Variants in SCFD1 observed in about 807,000 individuals in gnomAD.
SCFD1 encodes sec1 family domain containing 1, also known as sec1 family domain-containing protein 1.
Under a neutral mutation model 103.2 loss-of-function variants are expected in SCFD1, and 37 were observed. The observed-to-expected ratio is 0.36, with a 90% CI of 0.28 to 0.47. The LOEUF is 0.47. Ranked by LOEUF, SCFD1 falls within the 20% of genes least tolerant of loss-of-function variation. The pLI, the probability that SCFD1 is intolerant of heterozygous loss-of-function variation, is 1.00. For missense variants in SCFD1, 639 were observed against 761.2 expected (o/e 0.84, Z 1.89); for synonymous variants, 264 against 245.0 (o/e 1.08, Z -0.73).
At chr14:30,717,384 G>A (rs772128203) in intron 20 of SCFD1, among the ~76,000 whole-genome samples, 14 of 152,120 alleles carry the variant, frequency 9.2e-5, no homozygotes, top group South Asian at 4.1e-4. Flanking sequence ...GGCTGAGGTG[G>A]GAGGATCACT....
At chr14:30,714,414 G>T (rs1892132957) in intron 19 of SCFD1, among the ~76,000 whole-genome samples, 1 of 150,006 alleles carries the variant, frequency 6.7e-6, no homozygotes, top group African/African-American at 2.4e-5. Flanking sequence ...AAAAAATTCT[G>T]AATAGTATTC....
intron 14 of SCFD1, among the ~76,000 whole-genome samples, chr14:30,682,788 T>C (rs1007531298): frequency 6.6e-6 from 1 of 152,166 alleles, no homozygotes; most frequent in Non-Finnish European, 1.5e-5. Flanking sequence ...ATAAACAGTC[T>C]TCAGCTTAGG....
At chr14:30,726,436 A>G (rs1893048184) in intron 23 of SCFD1, among the ~76,000 whole-genome samples, 1 of 152,214 alleles carries the variant, frequency 6.6e-6, no homozygotes, top group Non-Finnish European at 1.5e-5. Context: ...ATGTGTTCAT[A>G]TGAACCTCAC....
intron 7 of SCFD1, among the ~76,000 whole-genome samples, chr14:30,649,037 A>G (rs1886143898): frequency 6.6e-6 from 1 of 151,930 alleles, no homozygotes; most frequent in South Asian, 2.1e-4. Flanking sequence ...GATTTAGTCA[A>G]TCCTTTGGAA....
intron 21 of SCFD1, among the ~76,000 whole-genome samples, chr14:30,720,590 CA>C (rs1566661200): frequency 6.6e-6 from 1 of 152,094 alleles, no homozygotes; most frequent in Non-Finnish European, 1.5e-5. Flanking sequence ...TGAATCTATA[CA>C]GAGCATGTAC....
chr14:30,674,042 A>T, intron 13 of SCFD1, 45 bp downstream of exon 13: 1 of 1,348,634 alleles, frequency 7.4e-7, no homozygotes, highest in Non-Finnish European at 1.0e-6. Flanking sequence ...TGTTGATAGG[A>T]TTTTTTTTTT....
At chr14:30,677,649 A>T (rs933773480) in intron 14 of SCFD1, among the ~76,000 whole-genome samples, 23 of 151,938 alleles carry the variant, frequency 1.5e-4, no homozygotes, top group African/African-American at 4.8e-4. Context: ...ATAACTCTTA[A>T]ATTTCCATCC....
At chr14:30,655,805 G>A (rs1405682728) in intron 10 of SCFD1, among the ~76,000 whole-genome samples, 1 of 152,136 alleles carries the variant, frequency 6.6e-6, no homozygotes, top group Admixed American at 6.6e-5. Context: ...CCCCAGGGAA[G>A]ATCAGATGTT....
intron 10 of SCFD1, among the ~76,000 whole-genome samples, chr14:30,659,495 A>G (rs1887238163): frequency 1.3e-5 from 2 of 152,142 alleles, no homozygotes; most frequent in Admixed American, 6.6e-5. Context: ...ATTCTTTACT[A>G]CTTTTAGAGA....
At chr14:30,696,989 G>A (rs1258870621) in intron 15 of SCFD1, among the ~76,000 whole-genome samples, 2 of 152,148 alleles carry the variant, frequency 1.3e-5, no homozygotes, top group African/African-American at 4.8e-5. Flanking sequence ...TGTTGGATTG[G>A]AATTAGAGGT....
chr14:30,703,490 AT>A (rs1384890729), intron 17 of SCFD1, among the ~76,000 whole-genome samples: 3 of 150,928 alleles, frequency 2.0e-5, no homozygotes, highest in Non-Finnish European at 3.0e-5. Context: ...AAATAGTAGA[AT>A]TTTTTTTCCT....
At chr14:30,652,162 G>A (rs1231612545) in intron 9 of SCFD1, among the ~76,000 whole-genome samples, 1 of 152,154 alleles carries the variant, frequency 6.6e-6, no homozygotes, top group African/African-American at 2.4e-5. Context: ...CCAGAAGAGT[G>A]TAATGAGTTA....
At chr14:30,731,546 TCTC>T (rs1460899211) in intron 23 of SCFD1, among the ~76,000 whole-genome samples, 3 of 152,278 alleles carry the variant, frequency 2.0e-5, no homozygotes, top group Admixed American at 6.5e-5. Flanking sequence ...GGTTTGTAGT[TCTC>T]CTTGAAGAGG....
chr14:30,659,040 C>T (rs115393328), intron 10 of SCFD1, among the ~76,000 whole-genome samples: 2,239 of 152,174 alleles, frequency 0.015, 49 homozygotes, highest in African/African-American at 0.051. Flanking sequence ...TGATTTCATT[C>T]ACTTTTTAAA....
chr14:30,638,091 TC>T, intron 4 of SCFD1, 33 bp from the exon 5 acceptor site: 2 of 1,548,994 alleles, frequency 1.3e-6, no homozygotes, highest in Non-Finnish European at 1.7e-6. Flanking sequence ...GTCTTCTTTA[TC>T]CTATAAGAAT....
intron 1 of SCFD1, among the ~76,000 whole-genome samples, chr14:30,623,107 C>G (rs552577744): frequency 6.6e-6 from 1 of 152,178 alleles, no homozygotes; most frequent in Non-Finnish European, 1.5e-5. Flanking sequence ...ATTAGTTTTG[C>G]CTTACTTGAA....
chr14:30,710,457 C>CTT (rs201252038), intron 19 of SCFD1, among the ~76,000 whole-genome samples: 1 of 150,556 alleles, frequency 6.6e-6, no homozygotes, highest in African/African-American at 2.4e-5. Flanking sequence ...TCAATGTAGT[C>CTT]TTTTTTTTGT....
intron 19 of SCFD1, among the ~76,000 whole-genome samples, chr14:30,711,491 G>GGGAGGCTGA (rs1891868293): frequency 6.6e-6 from 1 of 152,236 alleles, no homozygotes; most frequent in South Asian, 2.1e-4. Flanking sequence ...GCACATGCTT[G>GGGAGGCTGA]GGAGGCTGAG....
intron 20 of SCFD1, 52 bp downstream of exon 20, chr14:30,716,029 C>G: frequency 1.0e-6 from 1 of 991,446 alleles, no homozygotes; most frequent in Non-Finnish European, 1.6e-6. Context: ...GTCAAACTGA[C>G]TAGTATGAAA....
Sources: gnomAD v4.1 joint callset for allele counts (sites outside exome capture counted in the v4.1 genomes callset) on GRCh38, gnomAD v4.1.1 for gene constraint, MANE v1.5 for transcripts, NCBI Gene and HGNC (gene_info 2026-07-23, HGNC 2026-07-21) for gene names.